The following CCDC102B variants were observed in gnomAD, a reference collection of about 807,000 sequenced individuals.
CCDC102B encodes the protein coiled-coil domain-containing protein 102B.
A neutral mutation model predicts 57.4 loss-of-function variants in CCDC102B; 75 were observed. The observed-to-expected ratio is 1.31, with a 90% confidence interval of 1.08 to 1.58. CCDC102B has a LOEUF of 1.58. Among genes scored for constraint, CCDC102B ranks in the 40% most tolerant of loss-of-function variants. The pLI is 0.00. For missense variants in CCDC102B, 636 were observed against 582.6 expected (o/e 1.09, Z -0.94); for synonymous variants, 206 against 201.9 (o/e 1.02, Z -0.17).
At chr18:68,723,053 G>A (rs1215660627) in intron 2 of CCDC102B, among the ~76,000 whole-genome samples, 5 of 151,970 alleles carry the variant, frequency 3.3e-5, no homozygotes, top group Admixed American at 2.0e-4. Flanking sequence ...TCATGGCTGG[G>A]GAGGCCTCAG....
chr18:68,998,433 T>TTA (rs60851180), intron 6 of CCDC102B, among the ~76,000 whole-genome samples: 121,813 of 144,690 alleles, frequency 0.84, 53,132 homozygotes, highest in Non-Finnish European at 0.95. Context: ...ATATAATATA[T>TTA]TATATATATA....
intron 6 of CCDC102B, among the ~76,000 whole-genome samples, chr18:68,952,379 T>C (rs2049723178): frequency 1.3e-5 from 2 of 152,114 alleles, no homozygotes; most frequent in East Asian, 1.9e-4. Context: ...AAGTATTTTA[T>C]AGTTTAGCTT....
intron 6 of CCDC102B, among the ~76,000 whole-genome samples, chr18:68,981,087 T>G (rs1420305078): frequency 6.6e-6 from 1 of 152,082 alleles, no homozygotes; most frequent in Non-Finnish European, 1.5e-5. Flanking sequence ...TATTTTCATG[T>G]TTTTACTTTT....
chr18:69,018,248 C>T (rs1366637406), intron 7 of CCDC102B, among the ~76,000 whole-genome samples: 2 of 152,184 alleles, frequency 1.3e-5, no homozygotes, highest in Non-Finnish European at 2.9e-5. Context: ...CGTGTGTATA[C>T]ACATATGCAC....
chr18:68,891,658 G>A (rs550420830), intron 5 of CCDC102B, among the ~76,000 whole-genome samples: 17 of 152,312 alleles, frequency 1.1e-4, no homozygotes, highest in Non-Finnish European at 2.1e-4. Flanking sequence ...CTCTGGTGAG[G>A]TCTCTTTTCT....
At chr18:68,764,791 A>G (rs2034369089) in intron 2 of CCDC102B, among the ~76,000 whole-genome samples, 1 of 152,022 alleles carries the variant, frequency 6.6e-6, no homozygotes, top group African/African-American at 2.4e-5. Context: ...ATAAGAAAAT[A>G]ATGGGAGACC....
intron 6 of CCDC102B, among the ~76,000 whole-genome samples, chr18:68,946,938 T>G (rs937866452): frequency 6.6e-6 from 1 of 152,012 alleles, no homozygotes; most frequent in East Asian, 1.9e-4. Flanking sequence ...CCCCAATGGA[T>G]GCATCATGGA....
intron 1 of CCDC102B, among the ~76,000 whole-genome samples, chr18:68,828,323 A>C (rs1053404465): frequency 6.7e-5 from 1 of 14,918 alleles, no homozygotes; most frequent in African/African-American, 2.7e-4. Context: ...CCCTATTTAC[A>C]AAAAAAAAAA....
At chr18:68,897,166 C>A (rs1156612171) in intron 5 of CCDC102B, 53 bp from the exon 6 acceptor site, 1 of 1,437,186 alleles carries the variant, frequency 7.0e-7, no homozygotes, top group African/African-American at 1.4e-5. Flanking sequence ...GTGGCATTAT[C>A]TTTTGGCAAT....
At chr18:69,048,037 A>T (rs2052610069) in intron 7 of CCDC102B, among the ~76,000 whole-genome samples, 1 of 152,170 alleles carries the variant, frequency 6.6e-6, no homozygotes, top group African/African-American at 2.4e-5. Context: ...CCTGTAAGTT[A>T]ACTTCCTAAA....
Position 68,832,207 on chromosome 18 carries a change from T to G in CCDC102B, c.-15-4542T>G, listed in dbSNP as rs112680205. On this transcript the variant is annotated intron_variant, in intron 1 of 7. Transcript: ENST00000360242. ...AATCTTTTTAATGTCTCTTTTATCC[T>G]GCCATGGAAGTTTAACTTCTGCCAA... 3.7e-3 allele frequency among the ~76,000 whole-genome samples: 558 copies of G among 152,320 alleles called. 2 individuals carry two copies. The highest frequency in any genetic ancestry group is 0.017 in the East Asian group (87 of 5,176).
chr18:69,048,654 T>G (rs1332753919), intron 7 of CCDC102B, among the ~76,000 whole-genome samples: 4 of 152,102 alleles, frequency 2.6e-5, no homozygotes, highest in African/African-American at 9.6e-5. Context: ...GTTCATTCTG[T>G]AAGCATAAAT....
rs148288720 is a variant in CCDC102B, at chr18:69,054,636, A to G, written c.*499A>G. On this transcript the variant is annotated 3_prime_UTR_variant, in exon 8 of 8. Coordinates refer to ENST00000360242, the MANE Select transcript of CCDC102B (RefSeq NM_024781.3). ...AGAGGTGTAACAATACATTTCTTAT[A>G]TAATTTTATAAGTCATTTCTAATCT... 136 of 980,268 alleles carry G rather than the reference A, an allele frequency of 1.4e-4. No individual in the cohort carries two copies. Among genetic ancestry groups the G allele is most frequent in the Non-Finnish European group, 1.5e-4 (122 of 825,304 alleles). The allele number at this position is 980,268 out of a possible 1,614,324, so 60.7% of individuals were successfully genotyped here. A position where few individuals can be genotyped will look rare whatever the true frequency, so the allele number is the denominator to read the frequency against.
intron 6 of CCDC102B, among the ~76,000 whole-genome samples, chr18:68,965,139 C>G (rs182656074): frequency 1.1e-3 from 166 of 151,994 alleles, no homozygotes; most frequent in Middle Eastern, 3.4e-3. Context: ...TCTTCTAGTA[C>G]ATTTTCACCT....
intron 6 of CCDC102B, among the ~76,000 whole-genome samples, chr18:68,979,074 C>A (rs1028285424): frequency 6.6e-6 from 1 of 151,994 alleles, no homozygotes; most frequent in African/African-American, 2.4e-5. Flanking sequence ...AAGGGAAAGG[C>A]TGCAGTATCG....
At chr18:68,795,088 A>G (rs952777884), upstream of CCDC102B, among the ~76,000 whole-genome samples, 1 of 152,052 alleles carries the variant, frequency 6.6e-6, no homozygotes, top group Non-Finnish European at 1.5e-5. Flanking sequence ...AGAAGGAGAT[A>G]AAGTGAAGAG....
intron 2 of CCDC102B, among the ~76,000 whole-genome samples, chr18:68,759,392 G>A (rs763581768): frequency 8.5e-5 from 13 of 152,094 alleles, no homozygotes; most frequent in East Asian, 5.8e-4. Context: ...ACATAAATAC[G>A]TAGCAAGACA....
intron 5 of CCDC102B, among the ~76,000 whole-genome samples, chr18:68,886,769 A>G (rs1000609142): frequency 6.6e-6 from 1 of 151,128 alleles, no homozygotes. Context: ...TATTCCATGC[A>G]TCTAGTTTGA....
At chr18:68,976,520 G>A (rs1201695664) in intron 6 of CCDC102B, among the ~76,000 whole-genome samples, 8 of 151,780 alleles carry the variant, frequency 5.3e-5, no homozygotes, top group South Asian at 4.1e-4. Flanking sequence ...GCACATCCCC[G>A]ATTATTACTT....
Sources: gnomAD v4.1 joint callset for allele counts (sites outside exome capture counted in the v4.1 genomes callset) on GRCh38, gnomAD v4.1.1 for gene constraint, MANE v1.5 for transcripts, NCBI Gene and HGNC (gene_info 2026-07-23, HGNC 2026-07-21) for gene names.